The following COL5A2 variants were observed in gnomAD, a reference collection of about 807,000 sequenced individuals.
COL5A2 encodes the protein collagen type V alpha 2 chain, also known as collagen alpha-2(V) chain.
In COL5A2, 23 loss-of-function variants were observed where a neutral mutation model predicts 208.2. The ratio of observed to expected loss-of-function variants is 0.11; its 90% CI spans 0.08 to 0.16. The LOEUF (loss-of-function observed/expected upper bound fraction) is 0.16, where lower values mean the gene tolerates loss of function less well. Among genes scored for constraint, COL5A2 ranks in the 10% least tolerant of loss-of-function variants. The probability of loss-of-function intolerance (pLI) is 1.00; values close to 1 mark genes in which losing one functional copy is unlikely to be tolerated. For missense variants in COL5A2, 1,590 were observed against 1,956.4 expected (o/e 0.81, Z 3.53); for synonymous variants, 625 against 628.5 (o/e 0.99, Z 0.08).
chr2:189,400,723 A>C, the COL5A2 span, among the ~76,000 whole-genome samples: 1 of 152,212 alleles, frequency 6.6e-6, no homozygotes, highest in Non-Finnish European at 1.5e-5. Flanking sequence ...GACAAAATGC[A>C]TATCTCACTG....
At chr2:189,076,938 G>A (rs1254086546) in intron 16 of COL5A2, among the ~76,000 whole-genome samples, 2 of 152,008 alleles carry the variant, frequency 1.3e-5, no homozygotes, top group Non-Finnish European at 2.9e-5. Flanking sequence ...AGCCAGGAAC[G>A]GTGGCATGCA....
At chr2:189,127,218 G>C (rs1687624104) in intron 1 of COL5A2, among the ~76,000 whole-genome samples, 1 of 152,026 alleles carries the variant, frequency 6.6e-6, no homozygotes, top group Non-Finnish European at 1.5e-5. Context: ...AAGCAAAATT[G>C]AGTGGTTAAA....
intron 1 of COL5A2, among the ~76,000 whole-genome samples, chr2:189,140,695 C>A (rs377159158): frequency 2.6e-5 from 4 of 151,906 alleles, no homozygotes; most frequent in African/African-American, 9.7e-5. Context: ...TTTATTAAAT[C>A]TTATTTCTCA....
chr2:189,441,072 G>A, the COL5A2 span, among the ~76,000 whole-genome samples: 2 of 152,102 alleles, frequency 1.3e-5, no homozygotes, highest in South Asian at 4.2e-4. Context: ...AGGGACGCGA[G>A]AGGCTCGCGT....
At chr2:189,236,349 C>T in the COL5A2 span, among the ~76,000 whole-genome samples, 1 of 151,750 alleles carries the variant, frequency 6.6e-6, no homozygotes, top group African/African-American at 2.4e-5. Flanking sequence ...TATTCTTGCA[C>T]ATGCCTGTTG....
At chr2:189,301,299 C>T in the COL5A2 span, among the ~76,000 whole-genome samples, 1 of 152,084 alleles carries the variant, frequency 6.6e-6, no homozygotes, top group Non-Finnish European at 1.5e-5. Context: ...ACTGGAACAA[C>T]AATATGCTTC....
the COL5A2 span, among the ~76,000 whole-genome samples, chr2:189,275,864 T>C: frequency 6.6e-6 from 1 of 152,230 alleles, no homozygotes; most frequent in African/African-American, 2.4e-5. Context: ...ACTATTAGTT[T>C]ACTCTGTTTT....
At chr2:189,240,577 A>G in the COL5A2 span, among the ~76,000 whole-genome samples, 1 of 152,188 alleles carries the variant, frequency 6.6e-6, no homozygotes, top group African/African-American at 2.4e-5. Context: ...TCATGCCTGT[A>G]AAGTCCAGGG....
intron 1 of COL5A2, among the ~76,000 whole-genome samples, chr2:189,190,638 G>A (rs1452652242): frequency 1.3e-5 from 2 of 152,058 alleles, no homozygotes; most frequent in Admixed American, 6.6e-5. Flanking sequence ...TTATAAATCT[G>A]ATAAAAACTC....
chr2:189,123,122 G>A (rs1459910218), intron 1 of COL5A2, among the ~76,000 whole-genome samples: 6 of 152,080 alleles, frequency 3.9e-5, no homozygotes, highest in African/African-American at 1.4e-4. Flanking sequence ...GTGCCATCAC[G>A]CCAAGCTAAT....
intron 1 of COL5A2, among the ~76,000 whole-genome samples, chr2:189,195,647 C>T (rs535863317): frequency 2.0e-5 from 3 of 152,142 alleles, no homozygotes; most frequent in Non-Finnish European, 4.4e-5. Flanking sequence ...ACAGAGACCT[C>T]AGAAATAACA....
intron 1 of COL5A2, among the ~76,000 whole-genome samples, chr2:189,216,002 G>A (rs891417712): frequency 3.3e-5 from 5 of 151,958 alleles, no homozygotes; most frequent in Non-Finnish European, 5.9e-5. Flanking sequence ...CAATTACTAA[G>A]CTAGTCACCT....
the COL5A2 span, among the ~76,000 whole-genome samples, chr2:189,301,696 A>T: frequency 6.6e-6 from 1 of 152,338 alleles, no homozygotes; most frequent in East Asian, 1.9e-4. Context: ...GTATTTATCA[A>T]ACTAAAGGAT....
the COL5A2 span, among the ~76,000 whole-genome samples, chr2:189,237,852 G>A: frequency 6.6e-6 from 1 of 151,758 alleles, no homozygotes; most frequent in African/African-American, 2.4e-5. Flanking sequence ...ATGAACTTTG[G>A]ATTTCCTTGA....
At chr2:189,326,298 A>G in the COL5A2 span, among the ~76,000 whole-genome samples, 1 of 152,158 alleles carries the variant, frequency 6.6e-6, no homozygotes, top group South Asian at 2.1e-4. Flanking sequence ...TTAAAAGTTT[A>G]ATTTGTAGGA....
intron 1 of COL5A2, among the ~76,000 whole-genome samples, chr2:189,185,414 A>G (rs1289875253): frequency 6.6e-6 from 1 of 152,232 alleles, no homozygotes; most frequent in African/African-American, 2.4e-5. Flanking sequence ...AGTTAGAAGT[A>G]CTCTTACTAC....
chr2:189,036,286 T>C (rs1042794217), intron 52 of COL5A2, among the ~76,000 whole-genome samples: 1 of 152,130 alleles, frequency 6.6e-6, no homozygotes. Flanking sequence ...AAATAACTGT[T>C]TATCAACTAT....
At chr2:189,061,887 T>C (rs945887937) in intron 29 of COL5A2, among the ~76,000 whole-genome samples, 9 of 152,164 alleles carry the variant, frequency 5.9e-5, no homozygotes, top group African/African-American at 9.7e-5. Context: ...TGTAAACTTA[T>C]GGGGAAATTG....
At chr2:189,275,997 C>T in the COL5A2 span, among the ~76,000 whole-genome samples, 1 of 152,160 alleles carries the variant, frequency 6.6e-6, no homozygotes, top group Non-Finnish European at 1.5e-5. Context: ...AACCCAACAT[C>T]ATGTAGCAAT....
Sources: allele counts gnomAD v4.1 joint callset (sites outside exome capture counted in the v4.1 genomes callset), GRCh38; gene constraint gnomAD v4.1.1; transcripts MANE v1.5; gene names NCBI Gene and HGNC (gene_info 2026-07-23, HGNC 2026-07-21).